LIMCH1: variants seen among roughly 807,000 people sequenced by gnomAD.
The protein encoded by LIMCH1 is LIM and calponin homology domains 1.
In LIMCH1, 113 loss-of-function variants were observed where a neutral mutation model predicts 176.5. The observed-to-expected ratio is 0.64, with a 90% CI of 0.55 to 0.75. LIMCH1 has a LOEUF of 0.75. LIMCH1 is among the 30% of genes least tolerant of loss of function. The pLI, the probability that LIMCH1 is intolerant of heterozygous loss-of-function variation, is 0.00. For synonymous variants in LIMCH1, 619 were observed against 645.9 expected, an observed-to-expected ratio of 0.96 and a Z score of 0.63; for missense variants, 1,674 against 1,814.9, an observed-to-expected ratio of 0.92 and a Z score of 1.41.
At chr4:41,656,919 T>G (rs1011053732) in intron 18 of LIMCH1, among the ~76,000 whole-genome samples, 2 of 152,192 alleles carry the variant, frequency 1.3e-5, no homozygotes, top group African/African-American at 4.8e-5. Flanking sequence ...CTTGCCCTCC[T>G]GCTTCACATG....
intron 1 of LIMCH1, among the ~76,000 whole-genome samples, chr4:41,489,608 A>G (rs1409241334): frequency 2.0e-5 from 3 of 152,202 alleles, no homozygotes; most frequent in African/African-American, 4.8e-5. Context: ...TATTTCTGTT[A>G]TTAGCTTAGA....
intron 1 of LIMCH1, among the ~76,000 whole-genome samples, chr4:41,462,947 C>G (rs2065589453): frequency 6.6e-6 from 1 of 151,914 alleles, no homozygotes; most frequent in Non-Finnish European, 1.5e-5. Flanking sequence ...GGTTTAATAG[C>G]ACACATTGGT....
intron 1 of LIMCH1, among the ~76,000 whole-genome samples, chr4:41,596,608 G>C (rs1462184173): frequency 1.3e-5 from 2 of 152,326 alleles, no homozygotes; most frequent in South Asian, 2.1e-4. Flanking sequence ...AATGGACTCT[G>C]TATCACCACT....
Position 41,666,675 on chromosome 4 carries a change from G to A in LIMCH1, c.3397+9G>A. ...AAATCTCAATTCTCAAGGTAAAGAG[G>A]ACATGTTTTATTTTAGGTCTGCATG... On this transcript the variant is annotated intron_variant, in intron 21 of 31. Coordinates refer to ENST00000503057, the MANE Select transcript of LIMCH1 (RefSeq NM_001330672.2). 2 of 1,576,974 alleles carry A rather than the reference G, an allele frequency of 1.3e-6. No individual in the cohort carries two copies. Among genetic ancestry groups the A allele is most frequent in the Non-Finnish European group, 1.7e-6 (2 of 1,146,410 alleles).
intron 5 of LIMCH1, among the ~76,000 whole-genome samples, chr4:41,617,095 G>A (rs573984203): frequency 1.1e-4 from 17 of 151,894 alleles, no homozygotes; most frequent in Non-Finnish European, 2.2e-4. Context: ...ATCTATATAT[G>A]TGTGTGTATA....
intron 28 of LIMCH1, among the ~76,000 whole-genome samples, chr4:41,686,814 G>A (rs1721160082): frequency 6.6e-6 from 1 of 152,074 alleles, no homozygotes; most frequent in African/African-American, 2.4e-5. Context: ...TTTTCCCAGT[G>A]CAATATTTGA....
At chr4:41,602,212 T>C (rs2090048699) in intron 2 of LIMCH1, among the ~76,000 whole-genome samples, 1 of 150,988 alleles carries the variant, frequency 6.6e-6, no homozygotes, top group African/African-American at 2.4e-5. Context: ...CTGTAATGGA[T>C]GCCAGACAAC....
At chr4:41,427,426 G>T (rs1188362042) in intron 1 of LIMCH1, among the ~76,000 whole-genome samples, 3 of 152,276 alleles carry the variant, frequency 2.0e-5, no homozygotes, top group African/African-American at 7.2e-5. Context: ...GGGCACTTTT[G>T]TATGTACAGT....
intron 7 of LIMCH1, among the ~76,000 whole-genome samples, chr4:41,625,789 C>T (rs1009198799): frequency 1.3e-5 from 2 of 152,114 alleles, no homozygotes; most frequent in East Asian, 1.9e-4. Context: ...AAATTGGCAT[C>T]GCAAATTGGC....
At position 41,429,467 on chromosome 4, in the gene LIMCH1, C is replaced by T. The variant is rs187483665; in HGVS notation, c.97-65069C>T. The stretch of plus-strand genomic sequence containing the variant: ...TTTGAGTATCTTTGAGAGGTGCTGG[C>T]GACAACAATGGCATTTGGCAGCATG... On this transcript the variant is annotated intron_variant, in intron 1 of 26. Coordinates refer to the LIMCH1 transcript ENST00000313860. Among the ~76,000 whole-genome samples the T allele has an allele frequency of 2.6e-3, 400 of 152,160 alleles. 4 individuals carry two copies. The highest frequency in any genetic ancestry group is 3.4e-3 in the Non-Finnish European group (233 of 67,998).
chr4:41,605,790 C>A, intron 3 of LIMCH1, 104 bp from the exon 4 acceptor site: 2 of 571,752 alleles, frequency 3.5e-6, no homozygotes, highest in Non-Finnish European at 3.3e-6. Flanking sequence ...CGATGTAAAT[C>A]AGCTCTTTCC....
chr4:41,691,908 G>T (rs1726258301), intron 30 of LIMCH1, among the ~76,000 whole-genome samples: 1 of 152,170 alleles, frequency 6.6e-6, no homozygotes, highest in South Asian at 2.1e-4. Context: ...TTTATTTAAA[G>T]CCACTAGGGT....
At chr4:41,666,770 T>A in intron 21 of LIMCH1, 104 bp downstream of exon 21, 1 of 751,702 alleles carries the variant, frequency 1.3e-6, no homozygotes, top group Non-Finnish European at 2.3e-6. Context: ...TTGCTATTCC[T>A]TTAGCCAGGG....
chr4:41,686,159 C>T (rs867211959), intron 28 of LIMCH1, among the ~76,000 whole-genome samples: 4 of 152,074 alleles, frequency 2.6e-5, no homozygotes, highest in East Asian at 1.9e-4. Flanking sequence ...GACAAAGTTT[C>T]GTTCAAGGAA....
chr4:41,434,923 CAG>C (rs1347645741), intron 1 of LIMCH1, among the ~76,000 whole-genome samples: 1 of 152,208 alleles, frequency 6.6e-6, no homozygotes, highest in Non-Finnish European at 1.5e-5. Flanking sequence ...AAATATTTGC[CAG>C]ACTTTTCTAC....
chr4:41,650,383 G>A lies in LIMCH1; in HGVS notation c.2821-10G>A, dbSNP rs1197713118. On this transcript the variant is annotated splice_polypyrimidine_tract_variant and intron_variant, in intron 17 of 31. Coordinates refer to ENST00000503057, the MANE Select transcript of LIMCH1 (RefSeq NM_001330672.2). The stretch of plus-strand genomic sequence containing the variant: ...TATAGCATGTTTTTTGTTCATTCTG[G>A]CTTTTATAGGTAGACGGGAAAGTCA... The A allele has an allele frequency of 1.9e-6, 3 of 1,609,084 alleles. No homozygotes were observed. The highest frequency in any genetic ancestry group is 2.6e-6 in the Non-Finnish European group (3 of 1,175,762).
chr4:41,655,438 C>T (rs1437835732), intron 18 of LIMCH1, among the ~76,000 whole-genome samples: 1 of 152,168 alleles, frequency 6.6e-6, no homozygotes, highest in African/African-American at 2.4e-5. Context: ...ATATTTAATA[C>T]ATTTTTCAGA....
At chr4:41,563,676 T>C (rs1156868515) in intron 1 of LIMCH1, among the ~76,000 whole-genome samples, 3 of 152,126 alleles carry the variant, frequency 2.0e-5, no homozygotes, top group Non-Finnish European at 2.9e-5. Context: ...CCTCTACCCA[T>C]CCTGCAAAAA....
At chr4:41,449,422 C>T (rs529609687) in intron 1 of LIMCH1, among the ~76,000 whole-genome samples, 2 of 152,342 alleles carry the variant, frequency 1.3e-5, no homozygotes, top group African/African-American at 4.8e-5. Flanking sequence ...CCCTTAACAG[C>T]TATACCTGTT....
Sources: gnomAD v4.1 joint callset for allele counts (sites outside exome capture counted in the v4.1 genomes callset) on GRCh38, gnomAD v4.1.1 for gene constraint, MANE v1.5 for transcripts, NCBI Gene and HGNC (gene_info 2026-07-23, HGNC 2026-07-21) for gene names.